Variants in COL25A1 observed in about 807,000 individuals in gnomAD.
The protein encoded by COL25A1 is collagen alpha-1(XXV) chain.
COL25A1 carries 103 observed loss-of-function variants against 128.4 expected under a neutral mutation model. The observed-to-expected ratio is 0.80, with a 90% confidence interval of 0.68 to 0.94. The LOEUF is 0.94. COL25A1 is among the 40% of genes least tolerant of loss of function. The pLI is 0.00. For missense variants in COL25A1, 745 were observed against 840.0 expected, an observed-to-expected ratio of 0.89 and a Z score of 1.40; for synonymous variants, 279 against 277.2, an observed-to-expected ratio of 1.01 and a Z score of -0.06.
At chr4:109,177,453 C>T (rs751617879) in intron 3 of COL25A1, among the ~76,000 whole-genome samples, 7 of 152,164 alleles carry the variant, frequency 4.6e-5, no homozygotes, top group Non-Finnish European at 1.0e-4. Flanking sequence ...GGGACAAAAG[C>T]GAGCTACAAA....
intron 11 of COL25A1, among the ~76,000 whole-genome samples, chr4:108,937,602 CTCTT>C (rs1429515694): frequency 6.6e-6 from 1 of 152,066 alleles, no homozygotes; most frequent in Non-Finnish European, 1.5e-5. Flanking sequence ...CACCTGGAAT[CTCTT>C]TCTTTTTCTC....
At chr4:109,175,488 T>C (rs1269229217) in intron 3 of COL25A1, among the ~76,000 whole-genome samples, 2 of 152,064 alleles carry the variant, frequency 1.3e-5, no homozygotes. Flanking sequence ...CCAATAAGAG[T>C]TCTTCATATA....
In COL25A1 at chr4:109,004,133, G is replaced by A. The variant is rs185375135; in HGVS notation, c.438+6225C>T. On this transcript the variant is annotated intron_variant, in intron 6 of 37. Coordinates refer to ENST00000399132, the MANE Select transcript of COL25A1 (RefSeq NM_198721.4). ...AAGAACCATTTTCTCACCCATTTAG[G>A]TAAATGCAAAGACTCACCTCTCTTC... Among the ~76,000 whole-genome samples, 310 of 151,958 alleles carry A rather than the reference G, an allele frequency of 2.0e-3. 1 individual carries two copies. The highest frequency in any genetic ancestry group is 2.5e-3 in the Non-Finnish European group (169 of 67,978).
Position 108,901,013 on chromosome 4 carries a change from T to C in COL25A1, c.834+106A>G, listed in dbSNP as rs1288364302. The C allele has an allele frequency of 1.7e-5, 14 of 823,574 alleles. No homozygotes were observed. The East Asian group carries it at 3.0e-4, about 17-fold the overall frequency. The allele number at this position is 823,574 out of a possible 1,614,324, so 51.0% of individuals were successfully genotyped here. Reference sequence around the variant, plus strand: ...TATTATACTATTCACAAAATACCCATGTAAGTGCAACTGGTGAGATTGTTA... The same window carrying C: ...TATTATACTATTCACAAAATACCCACGTAAGTGCAACTGGTGAGATTGTTA... On this transcript the variant is annotated intron_variant, in intron 14 of 37. Transcript: ENST00000399132.
At chr4:109,179,923 T>C (rs963185721) in intron 3 of COL25A1, among the ~76,000 whole-genome samples, 1 of 152,240 alleles carries the variant, frequency 6.6e-6, no homozygotes, top group African/African-American at 2.4e-5. Flanking sequence ...TGAAGAGATT[T>C]GCATATTTTA....
At chr4:109,198,691 TG>T (rs1253631248) in intron 3 of COL25A1, among the ~76,000 whole-genome samples, 1 of 152,188 alleles carries the variant, frequency 6.6e-6, no homozygotes, top group Non-Finnish European at 1.5e-5. Context: ...GTTTCAGCTG[TG>T]ATGAGAAAAA....
intron 3 of COL25A1, among the ~76,000 whole-genome samples, chr4:109,247,350 A>G (rs1780339424): frequency 2.6e-5 from 4 of 152,204 alleles, no homozygotes; most frequent in Admixed American, 2.6e-4. Context: ...ACTGAAAAAA[A>G]AAGGAAAGGA....
intron 3 of COL25A1, among the ~76,000 whole-genome samples, chr4:109,124,513 C>CATCA (rs1427232530): frequency 6.6e-5 from 10 of 151,984 alleles, no homozygotes; most frequent in African/African-American, 2.2e-4. Context: ...ACATAAAAAA[C>CATCA]ATCAGCTCAC....
At chr4:108,884,107 A>G in intron 19 of COL25A1, 71 bp downstream of exon 19, 2 of 1,473,618 alleles carry the variant, frequency 1.4e-6, no homozygotes, top group Non-Finnish European at 1.9e-6. Context: ...ATTTTTCCCT[A>G]TTTTCCTCCA....
intron 3 of COL25A1, among the ~76,000 whole-genome samples, chr4:109,173,659 T>C (rs1052088752): frequency 6.6e-6 from 1 of 152,132 alleles, no homozygotes; most frequent in Non-Finnish European, 1.5e-5. Context: ...TTACAGAAAT[T>C]CTCACAGAAT....
At chr4:109,019,176 G>T (rs1011265679) in intron 5 of COL25A1, among the ~76,000 whole-genome samples, 3 of 151,552 alleles carry the variant, frequency 2.0e-5, no homozygotes, top group African/African-American at 7.3e-5. Context: ...AAGAGAGACC[G>T]GCCTAGCCTC....
rs531799209 is a variant in COL25A1 at position 109,300,649 on chromosome 4, A to T, written c.301T>A (p.Ser101Thr). ...EKVERLLAQK[S>T]YEHMAKIRIA... ...CTTATTTTAGCCATATGTTCATAGG[A>T]TTTCTGTAGGAAAAGAAGAGTTATT... The change falls in exon 3 of 38, where the codon TCC becomes ACC. Residue 101 changes from serine (S) to threonine (T), a missense_variant. This residue lies in a region of COL25A1 where 319 missense variants were observed against 324.9 expected (regional missense o/e 0.98). Coordinates refer to ENST00000399132, the MANE Select transcript of COL25A1 (RefSeq NM_198721.4). 2 of 1,606,460 alleles carry T rather than the reference A, an allele frequency of 1.2e-6. No individual in the cohort carries two copies. The highest frequency in any genetic ancestry group is 2.2e-5 in the South Asian group (2 of 90,906).
In COL25A1 at chr4:109,300,185, A is replaced by AC. The variant is rs532962825; in HGVS notation, c.367+397_367+398insG. On this transcript the variant is annotated intron_variant, in intron 3 of 37. Transcript: ENST00000399132. ...GCCAAAGGGAATAAACCAAAACAAA[A>AC]AAAAAAAAAAACTCTGCACTAACAC... is the stretch of plus-strand genomic sequence containing the variant. Among the ~76,000 whole-genome samples the AC allele has an allele frequency of 2.9e-3, 431 of 149,960 alleles. 2 individuals carry two copies. Among genetic ancestry groups the AC allele is most frequent in the South Asian group, 0.01 (49 of 4,728 alleles).
chr4:109,224,815 C>A (rs7661851), intron 3 of COL25A1, among the ~76,000 whole-genome samples: 16 of 152,052 alleles, frequency 1.1e-4, no homozygotes, highest in African/African-American at 3.6e-4. Flanking sequence ...TGGCAGGTGC[C>A]TGTAATCCCA....
intron 3 of COL25A1, among the ~76,000 whole-genome samples, chr4:109,274,225 A>T (rs1782393921): frequency 6.6e-6 from 1 of 152,162 alleles, no homozygotes; most frequent in South Asian, 2.1e-4. Context: ...AATGATAATC[A>T]AAAGTTCAAA....
chr4:109,248,926 G>T lies in COL25A1; in HGVS notation c.367+51657C>A, dbSNP rs746623355. Among the ~76,000 whole-genome samples, 4 of 152,282 alleles carry T rather than the reference G, an allele frequency of 2.6e-5. No individual in the cohort carries two copies. In the Middle Eastern group the frequency reaches 0.014, roughly 518 times the overall value. On this transcript the variant is annotated intron_variant, in intron 3 of 37. Transcript: ENST00000399132. ...CTTTTCTGACATCCCTCATATAAGG[G>T]AGACAGTCAGCTAGTGGCATACAAT...
chr4:109,193,095 G>A (rs185017555), intron 3 of COL25A1, among the ~76,000 whole-genome samples: 120 of 152,266 alleles, frequency 7.9e-4, no homozygotes, highest in African/African-American at 2.5e-3. Context: ...GGGCAGGAAT[G>A]GAGATTCTGT....
chr4:109,185,316 C>G (rs1359448775), intron 3 of COL25A1, among the ~76,000 whole-genome samples: 1 of 152,062 alleles, frequency 6.6e-6, no homozygotes, highest in African/African-American at 2.4e-5. Context: ...GAGCACTTAT[C>G]CTTATAAACA....
chr4:109,017,530 T>C (rs1757330801), intron 5 of COL25A1, among the ~76,000 whole-genome samples: 1 of 152,222 alleles, frequency 6.6e-6, no homozygotes, highest in Admixed American at 6.5e-5. Context: ...ACAAACTCAT[T>C]TGGATCTCTG....
Sources: gnomAD v4.1 joint callset for allele counts (sites outside exome capture counted in the v4.1 genomes callset) on GRCh38, gnomAD v4.1.1 for gene constraint, gnomAD v4.1.1 regional missense constraint, MANE v1.5 for transcripts, NCBI Gene and HGNC (gene_info 2026-07-23, HGNC 2026-07-21) for gene names.